Variants in CNTN5 observed in about 807,000 individuals in gnomAD.
CNTN5 encodes the protein contactin 5.
Under a neutral mutation model 129.1 loss-of-function variants are expected in CNTN5, and 77 were observed. The observed-to-expected ratio is 0.60, with a 90% CI of 0.50 to 0.72. The LOEUF (loss-of-function observed/expected upper bound fraction) is 0.72, where lower values mean the gene tolerates loss of function less well. Among genes scored for constraint, CNTN5 ranks in the 30% least tolerant of loss-of-function variants. CNTN5 has a pLI of 0.00. For missense variants in CNTN5, 1,478 were observed against 1,328.8 expected, an observed-to-expected ratio of 1.11 and a Z score of -1.75; for synonymous variants, 509 against 465.6, an observed-to-expected ratio of 1.09 and a Z score of -1.20.
intron 6 of CNTN5, among the ~76,000 whole-genome samples, chr11:99,912,186 G>A (rs1484996173): frequency 1.3e-5 from 2 of 151,868 alleles, no homozygotes; most frequent in African/African-American, 2.4e-5. Flanking sequence ...GGGAGGGAAA[G>A]GGAAGAAAAA....
intron 13 of CNTN5, among the ~76,000 whole-genome samples, chr11:100,114,001 C>T (rs572619447): frequency 6.6e-6 from 1 of 152,200 alleles, no homozygotes; most frequent in Admixed American, 6.5e-5. Flanking sequence ...TTCCATCCCT[C>T]TTGAATGTAT....
intron 1 of CNTN5, among the ~76,000 whole-genome samples, chr11:99,070,366 T>C (rs1191641257): frequency 6.6e-6 from 1 of 152,190 alleles, no homozygotes; most frequent in East Asian, 1.9e-4. Context: ...AAATAATGTT[T>C]CTTTTCCTGA....
chr11:99,663,313 C>CA (rs1952664213), intron 3 of CNTN5, among the ~76,000 whole-genome samples: 1 of 151,960 alleles, frequency 6.6e-6, no homozygotes, highest in Non-Finnish European at 1.5e-5. Flanking sequence ...ACTAAAAATA[C>CA]AAAAAATAGC....
intron 3 of CNTN5, among the ~76,000 whole-genome samples, chr11:99,569,477 C>A (rs925667860): frequency 6.6e-6 from 1 of 152,018 alleles, no homozygotes; most frequent in South Asian, 2.1e-4. Flanking sequence ...CCATGCCTGG[C>A]TAATTTTTGT....
chr11:100,257,764 A>T (rs1950106664), intron 17 of CNTN5, among the ~76,000 whole-genome samples: 1 of 152,218 alleles, frequency 6.6e-6, no homozygotes, highest in South Asian at 2.1e-4. Flanking sequence ...AAGAATGTCC[A>T]CACAGAAACC....
chr11:99,590,109 G>C (rs7931769), intron 3 of CNTN5, among the ~76,000 whole-genome samples: 19 of 152,018 alleles, frequency 1.2e-4, no homozygotes, highest in African/African-American at 4.1e-4. Flanking sequence ...AGATGAACAG[G>C]CCTCTATGTA....
intron 3 of CNTN5, among the ~76,000 whole-genome samples, chr11:99,753,271 C>T (rs1422325824): frequency 2.7e-5 from 4 of 150,756 alleles, no homozygotes; most frequent in East Asian, 2.0e-4. Flanking sequence ...TACAGGTGCC[C>T]GCCACCATGC....
chr11:100,191,388 A>G (rs73000849), intron 14 of CNTN5, 135 bp downstream of exon 14: 50,735 of 636,130 alleles, frequency 0.08, 2,449 homozygotes, highest in Middle Eastern at 0.18. Flanking sequence ...CATTGCAAAC[A>G]TAGAACTAAA....
intron 9 of CNTN5, among the ~76,000 whole-genome samples, chr11:100,049,967 A>G (rs1400519709): frequency 3.3e-5 from 5 of 152,216 alleles, no homozygotes; most frequent in Non-Finnish European, 5.9e-5. Context: ...TTAAAAAGTC[A>G]GGAAACAACA....
intron 16 of CNTN5, among the ~76,000 whole-genome samples, chr11:100,252,920 A>C (rs1478124705): frequency 2.0e-5 from 3 of 152,152 alleles, no homozygotes; most frequent in Non-Finnish European, 4.4e-5. Flanking sequence ...CTCAAAATTC[A>C]CACACAGTCA....
At chr11:100,104,414 G>C (rs1285997913) in intron 13 of CNTN5, among the ~76,000 whole-genome samples, 1 of 151,804 alleles carries the variant, frequency 6.6e-6, no homozygotes, top group Non-Finnish European at 1.5e-5. Context: ...ATAGTTTTTA[G>C]GCATCATAGT....
At chr11:100,012,208 T>G (rs1940572620) in intron 9 of CNTN5, among the ~76,000 whole-genome samples, 1 of 152,110 alleles carries the variant, frequency 6.6e-6, no homozygotes. Context: ...CTTGCTTTAG[T>G]ATGGTTGAGA....
intron 3 of CNTN5, among the ~76,000 whole-genome samples, chr11:99,628,639 C>T (rs936008376): frequency 5.3e-5 from 8 of 151,604 alleles, no homozygotes; most frequent in South Asian, 2.1e-4. Flanking sequence ...CACACACACA[C>T]ACACACACAC....
At chr11:99,745,489 G>GT (rs1406075984) in intron 3 of CNTN5, among the ~76,000 whole-genome samples, 1 of 147,688 alleles carries the variant, frequency 6.8e-6, no homozygotes, top group Non-Finnish European at 1.5e-5. Context: ...CAGCTAATGA[G>GT]TTTTTTGCTC....
intron 13 of CNTN5, among the ~76,000 whole-genome samples, chr11:100,075,156 AAT>A (rs1944076937): frequency 6.6e-6 from 1 of 152,208 alleles, no homozygotes; most frequent in Non-Finnish European, 1.5e-5. Flanking sequence ...GGTTCACTTG[AAT>A]AATTTCTTAA....
intron 21 of CNTN5, among the ~76,000 whole-genome samples, chr11:100,338,500 A>G (rs939727929): frequency 6.6e-6 from 1 of 152,192 alleles, no homozygotes; most frequent in Non-Finnish European, 1.5e-5. Flanking sequence ...GTAATCTACT[A>G]TTTCCACCAC....
At chr11:100,111,203 C>A (rs983793314) in intron 13 of CNTN5, among the ~76,000 whole-genome samples, 1 of 152,048 alleles carries the variant, frequency 6.6e-6, no homozygotes, top group Non-Finnish European at 1.5e-5. Context: ...GTTAGACTAA[C>A]CTTTTTCCAC....
At chr11:100,152,156 C>T (rs997931620) in intron 13 of CNTN5, among the ~76,000 whole-genome samples, 9 of 152,160 alleles carry the variant, frequency 5.9e-5, no homozygotes, top group Admixed American at 5.9e-4. Flanking sequence ...GTTGTGACTT[C>T]TACAGCGACT....
intron 1 of CNTN5, among the ~76,000 whole-genome samples, chr11:99,190,008 G>A (rs1394668235): frequency 1.3e-5 from 2 of 151,356 alleles, no homozygotes; most frequent in Non-Finnish European, 3.0e-5. Flanking sequence ...ACTTTTCCCT[G>A]TATTTTTCTA....
Sources: gnomAD v4.1 joint callset for allele counts (sites outside exome capture counted in the v4.1 genomes callset) on GRCh38, gnomAD v4.1.1 for gene constraint, MANE v1.5 for transcripts, NCBI Gene and HGNC (gene_info 2026-07-23, HGNC 2026-07-21) for gene names.